The following C5orf24 variants were observed in gnomAD, a reference collection of about 807,000 sequenced individuals.
The protein encoded by C5orf24 is chromosome 5 open reading frame 24, also known as UPF0461 protein C5orf24.
A neutral mutation model predicts 9.8 loss-of-function variants in C5orf24; 4 were observed. The observed-to-expected ratio is 0.41, with a 90% CI of 0.20 to 0.93. The LOEUF (loss-of-function observed/expected upper bound fraction) is 0.93. Ranked by LOEUF, C5orf24 falls within the 40% of genes least tolerant of loss-of-function variation. The pLI, the probability that C5orf24 is intolerant of heterozygous loss-of-function variation, is 0.33. For missense variants in C5orf24, 170 were observed against 236.9 expected, an observed-to-expected ratio of 0.72 and a Z score of 1.85; for synonymous variants, 73 against 81.3, an observed-to-expected ratio of 0.90 and a Z score of 0.55.
chr5:134,856,605 C>T lies in C5orf24; in HGVS notation c.*1138C>T, dbSNP rs1340626547. On this transcript the variant is annotated 3_prime_UTR_variant, in exon 2 of 2. Transcript: ENST00000394976. ...GCAGTGAGCCAAGATTGTGCCACTGCACTCCAGCCTGGGTGACAGAGTAAG... is the reference window on the plus strand; with the variant it reads ...GCAGTGAGCCAAGATTGTGCCACTGTACTCCAGCCTGGGTGACAGAGTAAG... The T allele has an allele frequency of 3.5e-6, 2 of 566,072 alleles. No homozygotes were observed. Among genetic ancestry groups the T allele is most frequent in the Admixed American group, 1.3e-4 (2 of 15,668 alleles). The allele number at this position is 566,072 out of a possible 1,614,324, so 35.1% of individuals were successfully genotyped here.
chr5:134,857,592 G>A lies in C5orf24; in HGVS notation c.*2125G>A. On this transcript the variant is annotated 3_prime_UTR_variant, in exon 2 of 2. Transcript: ENST00000394976. ...TAAATTGCTACAAGAGCTTTTTCTT[G>A]CAAAAGCTTAAAATACAAGATTTTT... is the stretch of plus-strand genomic sequence containing the variant. 1 of 612,988 alleles carries A rather than the reference G, an allele frequency of 1.6e-6. No homozygotes were observed. The allele number at this position is 612,988 out of a possible 1,614,324, so 38.0% of individuals were successfully genotyped here.
At chr5:134,840,123 A>G in the C5orf24 span, among the ~76,000 whole-genome samples, 1 of 151,964 alleles carries the variant, frequency 6.6e-6, no homozygotes, top group South Asian at 2.1e-4. Flanking sequence ...CCTGGCCGAA[A>G]TGGTGAAACT....
chr5:134,835,072 G>C, the C5orf24 span, among the ~76,000 whole-genome samples: 3 of 151,830 alleles, frequency 2.0e-5, no homozygotes, highest in African/African-American at 7.3e-5. Context: ...CCGGCGTGGT[G>C]GTGTGCTCCT....
At chr5:134,847,389 G>A (rs561428238) in intron 1 of C5orf24, among the ~76,000 whole-genome samples, 10 of 152,018 alleles carry the variant, frequency 6.6e-5, no homozygotes, top group Non-Finnish European at 1.5e-4. Context: ...TCTGCCTCCC[G>A]GGTTCAAGCA....
chr5:134,847,007 T>C (rs939276215), intron 1 of C5orf24: 4 of 152,208 alleles, frequency 2.6e-5, no homozygotes, highest in African/African-American at 9.7e-5. Flanking sequence ...AAGGAAGCTT[T>C]CTCCATGTTT....
chr5:134,847,292 TTTTG>T lies in C5orf24; in HGVS notation c.-4+1088_-4+1091del, dbSNP rs374117532. 7.2e-5 allele frequency among the ~76,000 whole-genome samples: 11 copies of T among 152,242 alleles called. No individual in the cohort carries two copies. The East Asian group carries it at 2.1e-3, about 29-fold the overall frequency. ...ATTCAGGGAACTATTTATTGGTTGT[TTTTG>T]TTTGTTTTGTTTTTTTTGAAACGGA... On this transcript the variant is annotated intron_variant, in intron 1 of 1. Coordinates refer to ENST00000394976, the MANE Select transcript of C5orf24 (RefSeq NM_001135586.1).
the C5orf24 span, among the ~76,000 whole-genome samples, chr5:134,835,217 T>A: frequency 6.6e-6 from 1 of 151,524 alleles, no homozygotes; most frequent in Non-Finnish European, 1.5e-5. Context: ...AAAAAGTATA[T>A]CTGGGGGTGG....
chr5:134,836,981 C>CT, the C5orf24 span, among the ~76,000 whole-genome samples: 18 of 150,746 alleles, frequency 1.2e-4, no homozygotes, highest in East Asian at 1.2e-3. Context: ...TCTGTTTTTT[C>CT]TTTTTTTTTG....
chr5:134,841,319 G>A (rs1755890628), upstream of C5orf24, among the ~76,000 whole-genome samples: 1 of 151,708 alleles, frequency 6.6e-6, no homozygotes, highest in South Asian at 2.1e-4. Flanking sequence ...GCTAGGTGTA[G>A]TGGCTCACGC....
chr5:134,854,795 C>T, intron 1 of C5orf24, 103 bp from the exon 2 acceptor site: 1 of 1,273,208 alleles, frequency 7.9e-7, no homozygotes, highest in Non-Finnish European at 1.1e-6. Context: ...TTTATGTAGC[C>T]TGCATAGTTG....
At position 134,855,544 on chromosome 5, in the gene C5orf24, T is replaced by C. The variant is rs1756288568; in HGVS notation, c.*77T>C. 1.0e-5 allele frequency: 16 copies of C among 1,554,902 alleles called. No individual in the cohort carries two copies. The highest frequency in any genetic ancestry group is 1.2e-5 in the Non-Finnish European group (14 of 1,157,096). On this transcript the variant is annotated 3_prime_UTR_variant, in exon 2 of 2. Transcript: ENST00000394976. ...AAAGCTTCTTGGTTTTATTTTGATA[T>C]ACATAATTTTATGGCCTGGGCTTTC...
intron 1 of C5orf24, among the ~76,000 whole-genome samples, chr5:134,851,907 A>C (rs994519246): frequency 6.6e-6 from 1 of 152,302 alleles, no homozygotes; most frequent in African/African-American, 2.4e-5. Flanking sequence ...CTCATCTGAA[A>C]TTAGAATTTG....
rs1031307708 is a variant in C5orf24, at chr5:134,857,384, C to G, written c.*1917C>G. 4.5e-6 allele frequency: 7 copies of G among 1,548,158 alleles called. No individual in the cohort carries two copies. The highest frequency in any genetic ancestry group is 6.1e-6 in the Non-Finnish European group (7 of 1,145,410). ...AAAAAGCAGCAAGCCTTCAGGTGTT[C>G]CAGTGATGCCTGACACAATTGAGCT... On this transcript the variant is annotated 3_prime_UTR_variant, in exon 2 of 2. Transcript: ENST00000394976.
At chr5:134,835,929 C>G in the C5orf24 span, among the ~76,000 whole-genome samples, 2 of 151,960 alleles carry the variant, frequency 1.3e-5, no homozygotes, top group African/African-American at 2.4e-5. Context: ...AGACTCCTGG[C>G]CTCAGGCAAT....
At chr5:134,847,952 C>G (rs1234837024) in intron 1 of C5orf24, among the ~76,000 whole-genome samples, 1 of 152,232 alleles carries the variant, frequency 6.6e-6, no homozygotes, top group African/African-American at 2.4e-5. Context: ...ATCTGCCCAC[C>G]TGGGCTTCCA....
At chr5:134,851,376 G>A (rs1352449285) in intron 1 of C5orf24, among the ~76,000 whole-genome samples, 8 of 152,140 alleles carry the variant, frequency 5.3e-5, no homozygotes. Context: ...TTTTAAGTTG[G>A]GTCTGTGTTT....
At chr5:134,850,937 TACAC>T (rs1554159307) in intron 1 of C5orf24, among the ~76,000 whole-genome samples, 2,431 of 147,040 alleles carry the variant, frequency 0.017, 18 homozygotes, top group Non-Finnish European at 0.024. Context: ...TATATATATA[TACAC>T]ACACACACAC....
At chr5:134,840,102 AT>A in the C5orf24 span, among the ~76,000 whole-genome samples, 1 of 152,004 alleles carries the variant, frequency 6.6e-6, no homozygotes, top group African/African-American at 2.4e-5. Context: ...AGGTCAGGAG[AT>A]CGAGACCATC....
At chr5:134,844,731 TTTGTTG>T (rs146228668), upstream of C5orf24, among the ~76,000 whole-genome samples, 2 of 148,820 alleles carry the variant, frequency 1.3e-5, no homozygotes, top group Non-Finnish European at 1.5e-5. Context: ...TCCAGAGTTT[TTTGTTG>T]TTGTTGTTGT....
Sources: gnomAD v4.1 joint callset for allele counts (sites outside exome capture counted in the v4.1 genomes callset) on GRCh38, gnomAD v4.1.1 for gene constraint, MANE v1.5 for transcripts, NCBI Gene and HGNC (gene_info 2026-07-23, HGNC 2026-07-21) for gene names.